The following TAF8 variants were observed in gnomAD, a reference collection of about 807,000 sequenced individuals.
The protein encoded by TAF8 is TATA-box binding protein associated factor 8.
In TAF8, 47 loss-of-function variants were observed where a neutral mutation model predicts 36.5. That is an observed-to-expected ratio of 1.29 (90% confidence interval 1.02 to 1.64). The LOEUF (loss-of-function observed/expected upper bound fraction) is 1.64, where lower values mean the gene tolerates loss of function less well. TAF8 is among the 40% of genes most tolerant of loss of function. The pLI is 0.00. For synonymous variants in TAF8, 175 were observed against 159.5 expected (o/e 1.10, Z -0.73); for missense variants, 420 against 407.6 (o/e 1.03, Z -0.26).
rs1181971391 is a variant in TAF8 at position 42,080,252 on chromosome 6, TG to T, written c.*2708del. 5.1e-6 allele frequency: 5 copies of T among 985,592 alleles called. No individual in the cohort carries two copies. The highest frequency in any genetic ancestry group is 6.0e-6 in the Non-Finnish European group (5 of 830,044). 61.1% of individuals were successfully genotyped at this position (985,592 alleles called of 1,614,324 possible). A position where few individuals can be genotyped will look rare whatever the true frequency, so the allele number is the denominator to read the frequency against. On this transcript the variant is annotated 3_prime_UTR_variant, in exon 9 of 9. Coordinates refer to ENST00000372977, the MANE Select transcript of TAF8 (RefSeq NM_138572.3). ...CAGTGTTTCTGCAGCTTCCATTTGT[TG>T]TTGTTATCCAGTGTAAGCACCTGTT...
downstream of TAF8, among the ~76,000 whole-genome samples, chr6:42,083,956 C>T (rs948090461): frequency 1.3e-4 from 19 of 151,762 alleles, no homozygotes; most frequent in Non-Finnish European, 2.7e-4. Flanking sequence ...CAGAGGCGGG[C>T]GGATCACGAG....
intron 7 of TAF8, among the ~76,000 whole-genome samples, chr6:42,070,590 G>A (rs1268316353): frequency 1.3e-5 from 2 of 152,236 alleles, no homozygotes; most frequent in Admixed American, 6.5e-5. Flanking sequence ...CTACTAGGCA[G>A]TGCAAATATT....
chr6:42,057,354 G>A (rs1455144172), intron 4 of TAF8, 35 bp from the exon 5 acceptor site: 5 of 1,613,568 alleles, frequency 3.1e-6, no homozygotes, highest in Non-Finnish European at 4.2e-6. Context: ...TCAGGGTCTT[G>A]GGTGGAGGGG....
chr6:42,069,197 T>TA (rs1765476901), intron 7 of TAF8, among the ~76,000 whole-genome samples: 1 of 152,098 alleles, frequency 6.6e-6, no homozygotes, highest in South Asian at 2.1e-4. Context: ...TACAGGGTCT[T>TA]AAAGGTTAGA....
chr6:42,086,700 T>C (rs1766034150), downstream of TAF8: 4 of 1,551,120 alleles, frequency 2.6e-6, no homozygotes, highest in Non-Finnish European at 3.5e-6. Flanking sequence ...AGCGGTTTTT[T>C]TCACCCTACG....
intron 7 of TAF8, among the ~76,000 whole-genome samples, chr6:42,071,827 T>G (rs1354172566): frequency 1.3e-5 from 2 of 152,176 alleles, no homozygotes; most frequent in African/African-American, 4.8e-5. Context: ...ATCATACCTT[T>G]GTAAGTACAA....
downstream of TAF8, among the ~76,000 whole-genome samples, chr6:42,085,610 C>T (rs1206824627): frequency 4.0e-5 from 6 of 151,606 alleles, no homozygotes; most frequent in African/African-American, 9.7e-5. Context: ...ATCACTTGAG[C>T]TTAGGAGTTT....
At chr6:42,058,914 T>G (rs1765097955) in intron 5 of TAF8, among the ~76,000 whole-genome samples, 1 of 152,186 alleles carries the variant, frequency 6.6e-6, no homozygotes, top group South Asian at 2.1e-4. Flanking sequence ...TCCAGCTTTC[T>G]GTCTTCACAT....
At chr6:42,058,245 G>A (rs1049676048) in intron 5 of TAF8, among the ~76,000 whole-genome samples, 4 of 152,118 alleles carry the variant, frequency 2.6e-5, no homozygotes, top group African/African-American at 7.2e-5. Context: ...TTAGCTGTGC[G>A]TGGTGGCACA....
At chr6:42,084,159 C>G (rs901774167), downstream of TAF8, among the ~76,000 whole-genome samples, 1 of 131,182 alleles carries the variant, frequency 7.6e-6, no homozygotes, top group African/African-American at 3.0e-5. Flanking sequence ...CCAGCCTGGG[C>G]GACAGAGCGA....
chr6:42,063,133 T>G (rs923676063), intron 5 of TAF8: 3 of 152,228 alleles, frequency 2.0e-5, no homozygotes, highest in African/African-American at 7.2e-5. Flanking sequence ...CATAACATTC[T>G]TTAACTCTTT....
intron 5 of TAF8, among the ~76,000 whole-genome samples, chr6:42,064,956 C>CCAA (rs1562014758): frequency 1.4e-5 from 1 of 73,728 alleles, no homozygotes; most frequent in Admixed American, 1.7e-4. Flanking sequence ...GACTCTGTCT[C>CCAA]AAAAAAAAAA....
In TAF8 at chr6:42,079,364, C is replaced by G. The variant is rs1582252406; in HGVS notation, c.*1819C>G. The G allele has an allele frequency of 2.0e-6, 2 of 985,382 alleles. No homozygotes were observed. The highest frequency in any genetic ancestry group is 3.5e-5 in the African/African-American group (2 of 57,346). The allele number at this position is 985,382 out of a possible 1,614,324, so 61.0% of individuals were successfully genotyped here. On this transcript the variant is annotated 3_prime_UTR_variant, in exon 9 of 9. Coordinates refer to ENST00000372977, the MANE Select transcript of TAF8 (RefSeq NM_138572.3). ...TTCATTCTTAACATACCCTACAAACCAGAAAACAAGTTTTTAAGGAAGATG... is the reference window on the plus strand; with the variant it reads ...TTCATTCTTAACATACCCTACAAACGAGAAAACAAGTTTTTAAGGAAGATG...
intron 5 of TAF8, among the ~76,000 whole-genome samples, chr6:42,064,867 G>A (rs1312928959): frequency 7.2e-6 from 1 of 138,654 alleles, no homozygotes; most frequent in Admixed American, 7.2e-5. Flanking sequence ...TGAGGCAGGA[G>A]AATGGCATGC....
In TAF8 at chr6:42,057,497, C is replaced by G; in HGVS notation, c.473C>G (p.Thr158Ser). 1 of 1,614,156 alleles carries G rather than the reference C, an allele frequency of 6.2e-7. No individual in the cohort carries two copies. Among genetic ancestry groups the G allele is most frequent in the Non-Finnish European group, 8.5e-7 (1 of 1,180,028 alleles). The change falls in exon 5 of 9, where the codon ACC becomes AGC. Residue 158 changes from threonine to serine, a missense_variant. Physicochemically the swap from Thr to Ser is moderately conservative, Grantham distance 58 (BLOSUM62 1). Transcript: ENST00000372977. ...TTTCCTGAGTTCCCTGATCCCCACACCTACATCAAAACTCCGGTGAGTGAT... is the reference window on the plus strand; with the variant it reads ...TTTCCTGAGTTCCCTGATCCCCACAGCTACATCAAAACTCCGGTGAGTGAT... ...SHFPEFPDPH[T>S]YIKTPTYREP... is the part of the protein sequence containing the mutation.
chr6:42,055,474 T>G (rs908292173), intron 2 of TAF8, 57 bp from the exon 3 acceptor site: 1 of 1,216,778 alleles, frequency 8.2e-7, no homozygotes, highest in Non-Finnish European at 1.2e-6. Context: ...CTGGTAATTC[T>G]ATGTTTAACT....
rs966647952 is a variant in TAF8, at chr6:42,077,659, G to T, written c.*114G>T. On this transcript the variant is annotated 3_prime_UTR_variant, in exon 9 of 9. Coordinates refer to ENST00000372977, the MANE Select transcript of TAF8 (RefSeq NM_138572.3). ...CTCATGGCCAAGCCGAGGCTGCAGG[G>T]TGTGATCGGACATGATTTTCATGGC... is the stretch of plus-strand genomic sequence containing the variant. 3.4e-5 allele frequency: 52 copies of T among 1,542,170 alleles called. 1 individual carries two copies. The South Asian group carries it at 6.3e-4, about 19-fold the overall frequency.
chr6:42,069,256 G>A (rs1269947216), intron 7 of TAF8, among the ~76,000 whole-genome samples: 1 of 152,188 alleles, frequency 6.6e-6, no homozygotes, highest in Non-Finnish European at 1.5e-5. Flanking sequence ...TGGAGATGTT[G>A]AGCAGAGGAG....
At position 42,050,615 on chromosome 6, in the gene TAF8, CGA is replaced by C. The variant is rs754073474; in HGVS notation, c.45+35_45+36del. On this transcript the variant is annotated intron_variant, in intron 1 of 8. Coordinates refer to ENST00000372977, the MANE Select transcript of TAF8 (RefSeq NM_138572.3). ...AGGGCAGGAAGCGCGGGCTCGGAGC[CGA>C]GAGAGTTTGGGTATCCTGCAACTTT... 5.7e-4 allele frequency: 872 copies of C among 1,538,812 alleles called. 1 individual carries two copies. Among genetic ancestry groups the C allele is most frequent in the Non-Finnish European group, 7.3e-4 (831 of 1,143,094 alleles).
Sources: gnomAD v4.1 joint callset for allele counts (sites outside exome capture counted in the v4.1 genomes callset) on GRCh38, gnomAD v4.1.1 for gene constraint, MANE v1.5 for transcripts, NCBI Gene and HGNC (gene_info 2026-07-23, HGNC 2026-07-21) for gene names.